ATAD3C: variants seen among roughly 807,000 people sequenced by gnomAD.
ATAD3C encodes ATPase family AAA domain containing 3C.
In ATAD3C, 38 loss-of-function variants were observed where a neutral mutation model predicts 46.3. The observed-to-expected ratio is 0.82, with a 90% CI of 0.63 to 1.08. The LOEUF (loss-of-function observed/expected upper bound fraction) is 1.08. Ranked by LOEUF, ATAD3C falls within the 50% of genes least tolerant of loss-of-function variation. The pLI is 0.00. For missense variants in ATAD3C, 563 were observed against 572.7 expected, an observed-to-expected ratio of 0.98 and a Z score of 0.17; for synonymous variants, 220 against 236.4, an observed-to-expected ratio of 0.93 and a Z score of 0.63.
intron 2 of ATAD3C, 43 bp downstream of exon 2, chr1:1,452,165 C>T: frequency 6.2e-7 from 1 of 1,607,864 alleles, no homozygotes. Flanking sequence ...ATGGAGCCCC[C>T]ACAGGTGTGA....
intron 11 of ATAD3C, among the ~76,000 whole-genome samples, chr1:1,468,062 A>T (rs1240726): frequency 0.16 from 24,866 of 150,904 alleles, 4,497 homozygotes; most frequent in East Asian, 0.46. Flanking sequence ...CGGCTGAGAC[A>T]CGCAGAGGGT....
intron 8 of ATAD3C, among the ~76,000 whole-genome samples, chr1:1,457,469 G>A (rs558779917): frequency 9.3e-5 from 14 of 151,002 alleles, no homozygotes; most frequent in Admixed American, 2.0e-4. Flanking sequence ...GGTGGCGGGC[G>A]CCCGTAGTCC....
intron 10 of ATAD3C, among the ~76,000 whole-genome samples, chr1:1,461,996 AC>A (rs1252315720): frequency 6.6e-6 from 1 of 152,072 alleles, no homozygotes; most frequent in East Asian, 1.9e-4. Context: ...TGCCTCGGGA[AC>A]ACTCCAGATG....
intron 11 of ATAD3C, among the ~76,000 whole-genome samples, chr1:1,466,582 T>TGCAACAG (rs1215827958): frequency 2.0e-5 from 3 of 151,510 alleles, no homozygotes; most frequent in Non-Finnish European, 4.4e-5. Flanking sequence ...ATGTTTTTCC[T>TGCAACAG]GCAACAGTTG....
At chr1:1,453,099 C>T (rs1001986901) in intron 3 of ATAD3C, among the ~76,000 whole-genome samples, 3 of 152,090 alleles carry the variant, frequency 2.0e-5, no homozygotes, top group African/African-American at 4.8e-5. Context: ...CAGCGCCTGC[C>T]GGTGGCCTGG....
At chr1:1,453,066 G>T (rs534489388) in intron 3 of ATAD3C, among the ~76,000 whole-genome samples, 9 of 152,182 alleles carry the variant, frequency 5.9e-5, no homozygotes, top group Admixed American at 3.9e-4. Flanking sequence ...CTGCCGTGGT[G>T]CCAGCACCCA....
chr1:1,455,863 A>C lies in ATAD3C; in HGVS notation c.511A>C (p.Arg171=). ...RNIKKNRGLY[R]HILLYGPPGT... is the part of the protein sequence containing the mutation. ...CATCAAGAAGAACCGGGGCCTGTAC[A>C]GGCACATCCTGCTGTACGGGCCACC... Residue 171 remains arginine, a synonymous_variant, in exon 6 of 12, where the codon AGG becomes CGG. Coordinates refer to ENST00000378785, the MANE Select transcript of ATAD3C (RefSeq NM_001039211.3). 6.2e-7 allele frequency: 1 copy of C among 1,613,472 alleles called. No homozygotes were observed. The highest frequency in any genetic ancestry group is 8.5e-7 in the Non-Finnish European group (1 of 1,179,674).
chr1:1,469,489 G>T lies in ATAD3C; in HGVS notation c.*959G>T, dbSNP rs1455382881. ...ACCTTGATTACAGCCATGGGGTGGG[G>T]GTGGGGGTCAGGGGCGTCTGACTAT... is the stretch of plus-strand genomic sequence containing the variant. On this transcript the variant is annotated 3_prime_UTR_variant, in exon 12 of 12. Coordinates refer to ENST00000378785, the MANE Select transcript of ATAD3C (RefSeq NM_001039211.3). The T allele has an allele frequency of 2.0e-5, 3 of 150,696 alleles. 1 individual carries two copies. The highest frequency in any genetic ancestry group is 1.3e-4 in the Admixed American group (2 of 14,968). The allele number at this position is 150,696 out of a possible 1,614,324, so 9.3% of individuals were successfully genotyped here.
chr1:1,466,242 CAAAAAAAAAA>C (rs1168198351), intron 11 of ATAD3C, among the ~76,000 whole-genome samples: 3 of 67,086 alleles, frequency 4.5e-5, no homozygotes, highest in East Asian at 8.4e-4. Flanking sequence ...ACTTCTGTCT[CAAAAAAAAAA>C]AAAAAAAAAA....
chr1:1,457,000 G>T (rs1638972281), intron 7 of ATAD3C, 129 bp from the exon 8 acceptor site: 5 of 1,301,624 alleles, frequency 3.8e-6, no homozygotes, highest in Non-Finnish European at 5.5e-6. Flanking sequence ...CCAGGACTTA[G>T]GGCTCCGTGG....
At position 1,462,842 on chromosome 1, in the gene ATAD3C, C is replaced by G; in HGVS notation, c.1089+134C>G. 1 of 1,146,872 alleles carries G rather than the reference C, an allele frequency of 8.7e-7. No homozygotes were observed. Among genetic ancestry groups the G allele is most frequent in the Non-Finnish European group, 1.2e-6 (1 of 818,126 alleles). The allele number at this position is 1,146,872 out of a possible 1,614,324, so 71.0% of individuals were successfully genotyped here. On this transcript the variant is annotated intron_variant, in intron 11 of 11. Transcript: ENST00000378785. The surrounding 1 kb of genome is among the most constrained non-coding windows in gnomAD (Gnocchi z 4.5). ...AGGGGTTTTCAGTGCACAGATGTGACACGGGGCCCCTGCCCCAGTTGGGCC... is the reference window on the plus strand; with the variant it reads ...AGGGGTTTTCAGTGCACAGATGTGAGACGGGGCCCCTGCCCCAGTTGGGCC...
intron 1 of ATAD3C, among the ~76,000 whole-genome samples, chr1:1,451,646 G>A (rs1425006996): frequency 2.0e-5 from 3 of 152,024 alleles, no homozygotes; most frequent in Non-Finnish European, 2.9e-5. Flanking sequence ...GTGCCCGGCC[G>A]GTCACCTTCA....
intron 7 of ATAD3C, among the ~76,000 whole-genome samples, chr1:1,456,804 C>T (rs545222051): frequency 8.8e-4 from 134 of 151,508 alleles, no homozygotes; most frequent in African/African-American, 2.9e-3. Context: ...CTTGTGGCCT[C>T]GGCTGTCCTC....
chr1:1,460,793 T>C lies in ATAD3C; in HGVS notation c.856T>C (p.Trp286Arg), dbSNP rs373691222. 26 of 1,612,378 alleles carry C rather than the reference T, an allele frequency of 1.6e-5. No individual in the cohort carries two copies. Among genetic ancestry groups the C allele is most frequent in the Non-Finnish European group, 1.9e-5 (22 of 1,179,174 alleles). Residue 286 changes from tryptophan to arginine, a missense_variant, in exon 10 of 12, where the codon TGG (tryptophan) becomes CGG (arginine). Transcript: ENST00000378785. ...LASCHPEQFD[W>R]AINACIDVMV... ...CAGCTGCCACCCCGAGCAGTTCGAC[T>C]GGGCCATCAATGCCTGCATCGACGT...
intron 3 of ATAD3C, among the ~76,000 whole-genome samples, chr1:1,454,049 A>G (rs919793498): frequency 1.3e-5 from 2 of 152,072 alleles, no homozygotes; most frequent in African/African-American, 4.8e-5. Context: ...TGGCCCTGTG[A>G]CATATCCAGC....
At position 1,454,429 on chromosome 1, in the gene ATAD3C, C is replaced by T. The variant is rs995910004; in HGVS notation, c.307C>T (p.Leu103=). ...AVTGRYIEAR[L]GKPSLVRETS... ...CACTGGCCGCTACATCGAGGCTCGG[C>T]TGGGGAAGCCGTCCCTAGTGAGGGA... is the stretch of plus-strand genomic sequence containing the variant. Residue 103 remains leucine, a synonymous_variant, in exon 4 of 12, where the codon CTG becomes TTG. Transcript: ENST00000378785. 3 of 1,609,100 alleles carry T rather than the reference C, an allele frequency of 1.9e-6. No homozygotes were observed. Among genetic ancestry groups the T allele is most frequent in the Non-Finnish European group, 2.5e-6 (3 of 1,178,774 alleles).
chr1:1,454,814 G>A (rs1638926064), intron 4 of ATAD3C, among the ~76,000 whole-genome samples: 1 of 151,906 alleles, frequency 6.6e-6, no homozygotes, highest in African/African-American at 2.4e-5. Flanking sequence ...ACAGGCCACA[G>A]TGTCTGGCGG....
chr1:1,461,003 G>C, intron 10 of ATAD3C, 86 bp downstream of exon 10: 1 of 1,441,438 alleles, frequency 6.9e-7, no homozygotes, highest in Non-Finnish European at 9.2e-7. Context: ...CACCCAGCAG[G>C]CCCTGTCTCC....
intron 10 of ATAD3C, among the ~76,000 whole-genome samples, chr1:1,461,642 T>TCAGAATTCGA (rs1557780472): frequency 2.0e-5 from 3 of 149,972 alleles, no homozygotes; most frequent in African/African-American, 7.4e-5. Flanking sequence ...GACCCCCATG[T>TCAGAATTCGA]AGGGACTGGA....
Sources: gnomAD v4.1 joint callset for allele counts (sites outside exome capture counted in the v4.1 genomes callset) on GRCh38, gnomAD v4.1.1 for gene constraint, Gnocchi (gnomAD v3.1) non-coding constraint, MANE v1.5 for transcripts, NCBI Gene and HGNC (gene_info 2026-07-23, HGNC 2026-07-21) for gene names.